RPSA2: variants seen among roughly 807,000 people sequenced by gnomAD.
RPSA2 encodes the protein small ribosomal subunit protein uS2B.
chr19:23,867,113 C>A, the RPSA2 span, among the ~76,000 whole-genome samples: 48 of 152,198 alleles, frequency 3.2e-4, no homozygotes, highest in Admixed American at 6.5e-4. Flanking sequence ...CTATTCCAAC[C>A]CTTAGCCTCT....
chr19:23,851,749 G>GA, the RPSA2 span, among the ~76,000 whole-genome samples: 2 of 152,184 alleles, frequency 1.3e-5, no homozygotes, highest in African/African-American at 2.4e-5. Context: ...AGTGAACGCT[G>GA]TAACGGCCTC....
chr19:23,817,167 A>AG, the RPSA2 span, among the ~76,000 whole-genome samples: 1 of 152,174 alleles, frequency 6.6e-6, no homozygotes, highest in Non-Finnish European at 1.5e-5. Flanking sequence ...GGATAACCTG[A>AG]GGTCAGGAGT....
the RPSA2 span, among the ~76,000 whole-genome samples, chr19:23,766,142 CCTTTTTTTTTT>C: frequency 1.4e-4 from 6 of 43,260 alleles, no homozygotes; most frequent in African/African-American, 3.9e-4. Flanking sequence ...TATTTCATTT[CCTTTTTTTTTT>C]TTTTTTTTTT....
the RPSA2 span, among the ~76,000 whole-genome samples, chr19:23,840,990 A>G: frequency 6.8e-6 from 1 of 147,134 alleles, no homozygotes; most frequent in Non-Finnish European, 1.5e-5. Context: ...AAAAAAAGAC[A>G]AAACATGGAC....
the RPSA2 span, chr19:23,832,788 T>C: frequency 6.4e-7 from 1 of 1,573,138 alleles, no homozygotes; most frequent in Non-Finnish European, 8.7e-7. Context: ...TAATTCATAC[T>C]GGAGAGAAAC....
chr19:23,822,765 C>T, the RPSA2 span, among the ~76,000 whole-genome samples: 2 of 152,096 alleles, frequency 1.3e-5, no homozygotes, highest in Non-Finnish European at 2.9e-5. Context: ...TTGGGCTGCT[C>T]AGTGGCCAGC....
At chr19:23,801,254 TG>T in the RPSA2 span, among the ~76,000 whole-genome samples, 9 of 126,564 alleles carry the variant, frequency 7.1e-5, no homozygotes, top group Admixed American at 7.7e-4. Flanking sequence ...AGGGGAGGGT[TG>T]GGGGGGATGG....
At chr19:23,868,479 C>A in the RPSA2 span, among the ~76,000 whole-genome samples, 1 of 151,828 alleles carries the variant, frequency 6.6e-6, no homozygotes, top group Non-Finnish European at 1.5e-5. Flanking sequence ...ATAGACCAGG[C>A]ACATCAAACG....
the RPSA2 span, among the ~76,000 whole-genome samples, chr19:23,857,773 GA>G: frequency 6.6e-6 from 1 of 152,088 alleles, no homozygotes; most frequent in Admixed American, 6.5e-5. Context: ...GGGATTGCAG[GA>G]GTGAGCCACT....
the RPSA2 span, among the ~76,000 whole-genome samples, chr19:23,772,720 C>A: frequency 1.1e-3 from 166 of 152,268 alleles, 1 homozygote; most frequent in African/African-American, 3.7e-3. Flanking sequence ...GAGCCCATTG[C>A]TGAGGTCTTG....
At chr19:23,813,882 C>T in the RPSA2 span, among the ~76,000 whole-genome samples, 1 of 151,688 alleles carries the variant, frequency 6.6e-6, no homozygotes, top group African/African-American at 2.4e-5. Flanking sequence ...GCCACCACAC[C>T]CGGCTAATTT....
chr19:23,792,461 ATGGAGT>A, the RPSA2 span, among the ~76,000 whole-genome samples: 1 of 152,318 alleles, frequency 6.6e-6, no homozygotes, highest in South Asian at 2.1e-4. Flanking sequence ...CTTACTGAAG[ATGGAGT>A]TGTTATTGTT....
chr19:23,788,807 T>A, the RPSA2 span, among the ~76,000 whole-genome samples: 2 of 152,150 alleles, frequency 1.3e-5, no homozygotes, highest in Non-Finnish European at 2.9e-5. Flanking sequence ...CCTTGTGACA[T>A]GTTTTGGATC....
the RPSA2 span, among the ~76,000 whole-genome samples, chr19:23,858,961 C>T: frequency 2.6e-5 from 4 of 152,160 alleles, no homozygotes; most frequent in Admixed American, 1.3e-4. Context: ...CTGGAAGTCC[C>T]ACTTGGGTGC....
At chr19:23,835,334 A>G in the RPSA2 span, among the ~76,000 whole-genome samples, 2 of 150,132 alleles carry the variant, frequency 1.3e-5, no homozygotes, top group East Asian at 3.9e-4. Context: ...GTCTAAATAA[A>G]TTATGGAGTA....
At chr19:23,760,655 A>G in the RPSA2 span, among the ~76,000 whole-genome samples, 2 of 79,016 alleles carry the variant, frequency 2.5e-5, no homozygotes, top group Non-Finnish European at 6.4e-5. Flanking sequence ...CAACATATAT[A>G]TATATATATA....
the RPSA2 span, among the ~76,000 whole-genome samples, chr19:23,848,664 G>A: frequency 3.9e-5 from 6 of 151,970 alleles, no homozygotes; most frequent in Admixed American, 3.3e-4. Flanking sequence ...GTGTGATACA[G>A]AAATCAGAAG....
chr19:23,764,140 C>T, the RPSA2 span, among the ~76,000 whole-genome samples: 3 of 152,126 alleles, frequency 2.0e-5, no homozygotes, highest in Non-Finnish European at 4.4e-5. Context: ...GCACTAGGGC[C>T]ACTTCAGTCT....
the RPSA2 span, among the ~76,000 whole-genome samples, chr19:23,834,064 A>C: frequency 1.3e-5 from 2 of 152,238 alleles, no homozygotes; most frequent in South Asian, 4.1e-4. Context: ...AAAATTGTCT[A>C]TGTAAATATC....
Sources: gnomAD v4.1 joint callset for allele counts (sites outside exome capture counted in the v4.1 genomes callset) on GRCh38, gnomAD v4.1.1 for gene constraint, MANE v1.5 for transcripts, NCBI Gene and HGNC (gene_info 2026-07-23, HGNC 2026-07-21) for gene names.